The following USP26 variants were observed in gnomAD, a reference collection of about 807,000 sequenced individuals.
USP26 encodes ubiquitin specific peptidase 26.
For missense variants in USP26, 649 were observed against 642.3 expected, an observed-to-expected ratio of 1.01 and a Z score of -0.11; for synonymous variants, 236 against 240.6, an observed-to-expected ratio of 0.98 and a Z score of 0.18.
intron 5 of USP26, among the ~76,000 whole-genome samples, chrX:133,082,581 T>C (rs996310568): frequency 2.7e-5 from 3 of 111,715 alleles, no homozygotes; most frequent in Non-Finnish European, 5.6e-5. Context: ...GATATTTGAG[T>C]CTCTAAACTC....
At chrX:133,058,190 G>T (rs756526065) in intron 5 of USP26, among the ~76,000 whole-genome samples, 1 of 108,918 alleles carries the variant, frequency 9.2e-6, no homozygotes, top group Non-Finnish European at 1.9e-5. Context: ...ATTTGTTTAG[G>T]TGTTTCATAT....
At chrX:133,075,146 G>A (rs923787617) in intron 5 of USP26, among the ~76,000 whole-genome samples, 3 of 111,238 alleles carry the variant, frequency 2.7e-5, no homozygotes, top group Non-Finnish European at 5.7e-5. Flanking sequence ...CCCCTCTGTT[G>A]ATTCTTACTC....
chrX:133,053,308 C>T (rs1381976025), intron 5 of USP26, among the ~76,000 whole-genome samples: 9 of 111,397 alleles, frequency 8.1e-5, no homozygotes, highest in East Asian at 5.7e-4. Flanking sequence ...GAGGCCAAGG[C>T]GGGTGGATTA....
intron 5 of USP26, among the ~76,000 whole-genome samples, chrX:133,067,794 A>G (rs1454587543): frequency 8.9e-6 from 1 of 111,790 alleles, no homozygotes; most frequent in Admixed American, 9.5e-5. Flanking sequence ...AACCTAGATG[A>G]TGTGTTGATA....
At chrX:133,088,794 G>C (rs1019668785) in intron 4 of USP26, among the ~76,000 whole-genome samples, 4 of 111,870 alleles carry the variant, frequency 3.6e-5, no homozygotes, top group Non-Finnish European at 3.8e-5. Flanking sequence ...AAGAGCAGTG[G>C]GTAGAACAAG....
intron 5 of USP26, among the ~76,000 whole-genome samples, chrX:133,037,253 C>A (rs775934000): frequency 9.0e-6 from 1 of 111,573 alleles, no homozygotes; most frequent in African/African-American, 3.3e-5. Flanking sequence ...TTCGCCCATA[C>A]CTATGTCCTG....
chrX:133,051,882 C>T (rs141045171), intron 5 of USP26, among the ~76,000 whole-genome samples: 434 of 111,804 alleles, frequency 3.9e-3, no homozygotes, highest in African/African-American at 0.013. Flanking sequence ...AAATTTTGAC[C>T]GCCCAAGATA....
intron 5 of USP26, among the ~76,000 whole-genome samples, chrX:133,052,406 A>G (rs1465058942): frequency 8.9e-6 from 1 of 112,149 alleles, no homozygotes; most frequent in Non-Finnish European, 1.9e-5. Context: ...ATTTGAAGAA[A>G]CACTTTAAAA....
chrX:133,038,973 A>G (rs1195570379), intron 5 of USP26, among the ~76,000 whole-genome samples: 1 of 111,456 alleles, frequency 9.0e-6, no homozygotes, highest in Non-Finnish European at 1.9e-5. Context: ...GTATTCTCTG[A>G]TGGTAGTTTG....
At chrX:133,057,475 AT>A (rs1323784924) in intron 5 of USP26, among the ~76,000 whole-genome samples, 1 of 110,741 alleles carries the variant, frequency 9.0e-6, no homozygotes, top group African/African-American at 3.3e-5. Context: ...AATTTCAGTG[AT>A]TTCCCCTTTA....
At chrX:133,084,887 C>A (rs1369268691) in intron 4 of USP26, among the ~76,000 whole-genome samples, 1 of 110,937 alleles carries the variant, frequency 9.0e-6, no homozygotes, top group Non-Finnish European at 1.9e-5. Flanking sequence ...TTATCCCTCA[C>A]CCCCTTCCCA....
chrX:133,069,879 T>C (rs747013946), intron 5 of USP26, among the ~76,000 whole-genome samples: 1 of 111,489 alleles, frequency 9.0e-6, no homozygotes, highest in South Asian at 3.8e-4. Context: ...GAGGGCAGAA[T>C]GTGAAAGGGA....
At chrX:133,078,011 G>A (rs1921160468) in intron 5 of USP26, among the ~76,000 whole-genome samples, 1 of 111,240 alleles carries the variant, frequency 9.0e-6, no homozygotes, top group African/African-American at 3.3e-5. Context: ...CTGAGCCCAG[G>A]AAGTTGAGGC....
chrX:133,046,577 T>C (rs1285390901), intron 5 of USP26, among the ~76,000 whole-genome samples: 2 of 111,507 alleles, frequency 1.8e-5, no homozygotes, highest in Non-Finnish European at 3.8e-5. Flanking sequence ...TGGTCCCTGA[T>C]TCTGCATACC....
intron 4 of USP26, among the ~76,000 whole-genome samples, chrX:133,089,218 T>C (rs1020120122): frequency 1.8e-5 from 2 of 111,202 alleles, no homozygotes; most frequent in Non-Finnish European, 3.8e-5. Context: ...GAATCACAGG[T>C]ATCTACTGAG....
intron 5 of USP26, among the ~76,000 whole-genome samples, chrX:133,055,245 T>C (rs1179401737): frequency 9.0e-6 from 1 of 111,690 alleles, no homozygotes; most frequent in East Asian, 2.8e-4. Context: ...TACACAGCAC[T>C]AGTTTCCTGA....
chrX:133,057,433 A>T (rs1040842810), intron 5 of USP26, among the ~76,000 whole-genome samples: 3 of 110,948 alleles, frequency 2.7e-5, no homozygotes, highest in African/African-American at 9.8e-5. Flanking sequence ...GGTTTTGTTG[A>T]TTTTCTCATT....
intron 4 of USP26, among the ~76,000 whole-genome samples, chrX:133,087,496 T>C (rs2067593796): frequency 1.8e-5 from 2 of 112,025 alleles, no homozygotes; most frequent in African/African-American, 3.2e-5. Flanking sequence ...ACACTTGAAA[T>C]TGGTGATGGT....
At chrX:133,059,623 A>G (rs1218369807) in intron 5 of USP26, among the ~76,000 whole-genome samples, 1 of 109,695 alleles carries the variant, frequency 9.1e-6, no homozygotes, top group Non-Finnish European at 1.9e-5. Flanking sequence ...CTGGGATCAC[A>G]GGATCGCTCT....
Sources: allele counts gnomAD v4.1 joint callset (sites outside exome capture counted in the v4.1 genomes callset), GRCh38; gene constraint gnomAD v4.1.1; transcripts MANE v1.5; gene names NCBI Gene and HGNC (gene_info 2026-07-23, HGNC 2026-07-21).